ADAMTS17: variants seen among roughly 807,000 people sequenced by gnomAD.
ADAMTS17 encodes ADAM metallopeptidase with thrombospondin type 1 motif 17.
In ADAMTS17, 113 loss-of-function variants were observed where a neutral mutation model predicts 141.5. That is an observed-to-expected ratio of 0.80 (90% CI 0.69 to 0.93). ADAMTS17 has a LOEUF of 0.93. ADAMTS17 is among the 40% of genes least tolerant of loss of function. The pLI, the probability that ADAMTS17 is intolerant of heterozygous loss-of-function variation, is 0.00. For missense variants in ADAMTS17, 1,659 were observed against 1,517.9 expected, an observed-to-expected ratio of 1.09 and a Z score of -1.54; for synonymous variants, 768 against 630.6, an observed-to-expected ratio of 1.22 and a Z score of -3.27.
chr15:100,203,452 A>C (rs912916909), intron 7 of ADAMTS17, among the ~76,000 whole-genome samples: 9 of 152,176 alleles, frequency 5.9e-5, no homozygotes, highest in African/African-American at 2.2e-4. Context: ...CACGCCTGTA[A>C]TCCCAGCACT....
At chr15:100,183,637 G>A (rs1051133754) in intron 8 of ADAMTS17, among the ~76,000 whole-genome samples, 1 of 152,188 alleles carries the variant, frequency 6.6e-6, no homozygotes, top group African/African-American at 2.4e-5. Context: ...CCAGCTGACT[G>A]ATTTTTCTCA....
intron 18 of ADAMTS17, among the ~76,000 whole-genome samples, chr15:100,029,954 C>A (rs1258731403): frequency 6.6e-6 from 1 of 152,150 alleles, no homozygotes; most frequent in Non-Finnish European, 1.5e-5. Context: ...GGAGTGGGGC[C>A]CAGCACTCTG....
intron 14 of ADAMTS17, among the ~76,000 whole-genome samples, chr15:100,101,578 C>A (rs2036103835): frequency 6.6e-6 from 1 of 152,216 alleles, no homozygotes; most frequent in Non-Finnish European, 1.5e-5. Flanking sequence ...GGACCATAAG[C>A]ACATAGAGGA....
intron 3 of ADAMTS17, among the ~76,000 whole-genome samples, chr15:100,325,195 G>A (rs2045861791): frequency 6.6e-6 from 1 of 152,138 alleles, no homozygotes; most frequent in Admixed American, 6.6e-5. Flanking sequence ...ACCACCCCAT[G>A]GTGCAGGTAA....
At chr15:100,061,803 G>T (rs2033143193) in intron 15 of ADAMTS17, among the ~76,000 whole-genome samples, 1 of 152,216 alleles carries the variant, frequency 6.6e-6, no homozygotes. Context: ...CCTCCAAACT[G>T]AGTACCTCTT....
chr15:100,208,076 G>T (rs562040041), intron 7 of ADAMTS17, among the ~76,000 whole-genome samples: 18 of 152,288 alleles, frequency 1.2e-4, no homozygotes, highest in African/African-American at 3.8e-4. Context: ...GGTGGGATGG[G>T]CCAGAGAGCT....
chr15:100,089,245 T>A (rs1225341906), intron 15 of ADAMTS17, among the ~76,000 whole-genome samples: 2 of 134,494 alleles, frequency 1.5e-5, no homozygotes, highest in Admixed American at 1.5e-4. Context: ...ATGCTCATCA[T>A]CACTGGCCAT....
chr15:100,166,064 A>C (rs2039939799), intron 8 of ADAMTS17, among the ~76,000 whole-genome samples: 1 of 152,252 alleles, frequency 6.6e-6, no homozygotes, highest in Non-Finnish European at 1.5e-5. Context: ...ATCTTAGGAC[A>C]TAGGGCACCT....
chr15:100,310,941 G>C (rs1042623508), intron 3 of ADAMTS17, among the ~76,000 whole-genome samples: 2 of 152,234 alleles, frequency 1.3e-5, no homozygotes, highest in Non-Finnish European at 2.9e-5. Context: ...CTTTGCAAAA[G>C]GACCCACTGC....
chr15:100,290,962 G>T (rs1032891268), intron 3 of ADAMTS17, among the ~76,000 whole-genome samples: 1 of 152,066 alleles, frequency 6.6e-6, no homozygotes, highest in African/African-American at 2.4e-5. Flanking sequence ...TCATGACAAA[G>T]ATGCCAAAAG....
intron 15 of ADAMTS17, among the ~76,000 whole-genome samples, chr15:100,056,295 T>G (rs575608155): frequency 6.6e-6 from 1 of 152,344 alleles, no homozygotes; most frequent in East Asian, 1.9e-4. Flanking sequence ...TATTTGGTTT[T>G]AGGATCCAGT....
intron 18 of ADAMTS17, among the ~76,000 whole-genome samples, chr15:100,025,473 G>A (rs1479891450): frequency 1.3e-5 from 2 of 149,814 alleles, no homozygotes; most frequent in African/African-American, 2.5e-5. Context: ...GTGAAGTGGC[G>A]TGATCTCGGC....
At chr15:100,331,199 C>T in intron 2 of ADAMTS17, 145 bp from the exon 3 acceptor site, 2 of 1,028,904 alleles carry the variant, frequency 1.9e-6, no homozygotes, top group Non-Finnish European at 2.9e-6. Flanking sequence ...GTCAGATTTA[C>T]CTGAGCCCAA....
intron 8 of ADAMTS17, among the ~76,000 whole-genome samples, chr15:100,165,505 T>G (rs2039914475): frequency 6.6e-6 from 1 of 152,196 alleles, no homozygotes; most frequent in Non-Finnish European, 1.5e-5. Context: ...CCCATTCTCC[T>G]TCCCACAATG....
In ADAMTS17 at chr15:100,196,472, C is replaced by T. The variant is rs140786491; in HGVS notation, c.1181+2846G>A. Reference sequence around the variant, plus strand: ...AATCAGATTTTAGGGTAGCTGCTTACACCAATCGCCCTACGACGCACATTA... The same window carrying T: ...AATCAGATTTTAGGGTAGCTGCTTATACCAATCGCCCTACGACGCACATTA... On this transcript the variant is annotated intron_variant, in intron 8 of 21. Coordinates refer to ENST00000268070, the MANE Select transcript of ADAMTS17 (RefSeq NM_139057.4). 2.8e-3 allele frequency among the ~76,000 whole-genome samples: 434 copies of T among 152,338 alleles called. 6 individuals are homozygous for T. The highest frequency in any genetic ancestry group is 0.01 in the African/African-American group (426 of 41,580).
chr15:100,078,883 C>T (rs2034553088), intron 15 of ADAMTS17, among the ~76,000 whole-genome samples: 1 of 152,102 alleles, frequency 6.6e-6, no homozygotes, highest in Admixed American at 6.5e-5. Flanking sequence ...AAATGACAAT[C>T]CAATTTAAAA....
rs564436444 is a variant in ADAMTS17, at chr15:100,155,283, C to T, written c.1219G>A (p.Ala407Thr). ...CCTGACATGATGTGGGACCTGCCAG[C>T]GCAAGATGAGTGGTCATCGTCGTGG... ...MNHDDDHSSCAGRSHIMSGEW... is the reference protein window; with the variant it reads ...MNHDDDHSSCTGRSHIMSGEW... The change falls in exon 9 of 22, where the codon GCT (alanine) becomes ACT (threonine). Residue 407 changes from alanine to threonine, a missense_variant. By Grantham distance (58) the Ala-to-Thr change is moderately conservative. Coordinates refer to ENST00000268070, the MANE Select transcript of ADAMTS17 (RefSeq NM_139057.4). 2.5e-5 allele frequency: 41 copies of T among 1,614,010 alleles called. No homozygotes were observed. Among genetic ancestry groups the T allele is most frequent in the East Asian group, 6.7e-5 (3 of 44,886 alleles).
chr15:100,143,559 C>A (rs2038758268), intron 10 of ADAMTS17, among the ~76,000 whole-genome samples: 1 of 152,192 alleles, frequency 6.6e-6, no homozygotes, highest in Non-Finnish European at 1.5e-5. Flanking sequence ...GAGGAGACAG[C>A]TGTATTTGCC....
At chr15:100,296,484 G>A (rs2044816992) in intron 3 of ADAMTS17, among the ~76,000 whole-genome samples, 1 of 151,714 alleles carries the variant, frequency 6.6e-6, no homozygotes, top group African/African-American at 2.4e-5. Context: ...TAACTTCCAA[G>A]ACCAAGTCAT....
Sources: gnomAD v4.1 joint callset for allele counts (sites outside exome capture counted in the v4.1 genomes callset) on GRCh38, gnomAD v4.1.1 for gene constraint, MANE v1.5 for transcripts, NCBI Gene and HGNC (gene_info 2026-07-23, HGNC 2026-07-21) for gene names.